Variants in ELMO1 observed in about 807,000 individuals in gnomAD.
The protein encoded by ELMO1 is engulfment and cell motility protein 1.
A neutral mutation model predicts 98.9 loss-of-function variants in ELMO1; 26 were observed. The ratio of observed to expected loss-of-function variants is 0.26; its 90% CI spans 0.19 to 0.36. The LOEUF (loss-of-function observed/expected upper bound fraction) is 0.36, where lower values mean the gene tolerates loss of function less well. Among genes scored for constraint, ELMO1 ranks in the 10% least tolerant of loss-of-function variants. The probability of loss-of-function intolerance (pLI) is 1.00; values close to 1 mark genes in which losing one functional copy is unlikely to be tolerated. For synonymous variants in ELMO1, 346 were observed against 346.0 expected (o/e 1.00, Z 0.00); for missense variants, 627 against 935.2 (o/e 0.67, Z 4.30).
At chr7:37,343,754 C>T (rs547659873) in intron 1 of ELMO1, among the ~76,000 whole-genome samples, 2 of 152,048 alleles carry the variant, frequency 1.3e-5, no homozygotes, top group Admixed American at 6.6e-5. Flanking sequence ...CGATTACAGG[C>T]GTGAGCCACC....
intron 4 of ELMO1, among the ~76,000 whole-genome samples, chr7:37,279,605 C>T (rs1254638644): frequency 2.6e-5 from 4 of 152,144 alleles, no homozygotes; most frequent in Non-Finnish European, 5.9e-5. Context: ...GAGAAGTTTC[C>T]GACCTTACCT....
chr7:37,431,947 T>A (rs1804949856), intron 1 of ELMO1, among the ~76,000 whole-genome samples: 1 of 152,222 alleles, frequency 6.6e-6, no homozygotes, highest in African/African-American at 2.4e-5. Context: ...AATGGTGCGA[T>A]CTCAGCTCAC....
At chr7:36,964,488 C>T (rs144266310) in intron 16 of ELMO1, among the ~76,000 whole-genome samples, 4 of 152,166 alleles carry the variant, frequency 2.6e-5, no homozygotes, top group Admixed American at 6.5e-5. Context: ...GTGTGTCGCT[C>T]TCACATCATC....
At chr7:37,250,503 C>T (rs1795284481) in intron 6 of ELMO1, among the ~76,000 whole-genome samples, 1 of 152,084 alleles carries the variant, frequency 6.6e-6, no homozygotes, top group East Asian at 1.9e-4. Flanking sequence ...GATAATTTTT[C>T]ATAAGAAAAG....
At chr7:37,195,822 T>C (rs1032053242) in intron 13 of ELMO1, among the ~76,000 whole-genome samples, 1 of 152,108 alleles carries the variant, frequency 6.6e-6, no homozygotes, top group Non-Finnish European at 1.5e-5. Flanking sequence ...TGCTCATAAG[T>C]CACAGGGAAG....
intron 16 of ELMO1, among the ~76,000 whole-genome samples, chr7:36,923,425 G>A (rs1785297094): frequency 6.6e-6 from 1 of 152,160 alleles, no homozygotes; most frequent in Non-Finnish European, 1.5e-5. Flanking sequence ...TATGACCATT[G>A]AAAGCCTACA....
At chr7:37,323,420 C>T (rs1202045040) in intron 2 of ELMO1, among the ~76,000 whole-genome samples, 3 of 152,172 alleles carry the variant, frequency 2.0e-5, no homozygotes, top group African/African-American at 4.8e-5. Flanking sequence ...AGGATGGACG[C>T]GATGGCTCAT....
intron 2 of ELMO1, among the ~76,000 whole-genome samples, chr7:37,321,513 C>G (rs979880443): frequency 6.6e-6 from 1 of 151,660 alleles, no homozygotes; most frequent in Non-Finnish European, 1.5e-5. Flanking sequence ...GTCAGGAGAT[C>G]GAGAGCATCC....
At chr7:37,347,629 A>G (rs1801071046) in intron 1 of ELMO1, among the ~76,000 whole-genome samples, 1 of 152,172 alleles carries the variant, frequency 6.6e-6, no homozygotes, top group South Asian at 2.1e-4. Context: ...GCCGCCATGT[A>G]AGAGCCTTCT....
At chr7:37,350,317 A>G (rs960460410) in intron 1 of ELMO1, among the ~76,000 whole-genome samples, 5 of 152,224 alleles carry the variant, frequency 3.3e-5, no homozygotes, top group African/African-American at 1.2e-4. Flanking sequence ...AATTCAGCCC[A>G]TTTACTTGAC....
chr7:37,405,566 T>G (rs751368446), intron 1 of ELMO1, among the ~76,000 whole-genome samples: 1 of 152,216 alleles, frequency 6.6e-6, no homozygotes, highest in Non-Finnish European at 1.5e-5. Flanking sequence ...CATTTCACAT[T>G]TTAGGCAATC....
intron 15 of ELMO1, among the ~76,000 whole-genome samples, chr7:37,033,923 A>G (rs1562911349): frequency 1.3e-5 from 2 of 152,210 alleles, no homozygotes; most frequent in Non-Finnish European, 2.9e-5. Flanking sequence ...AACTCTCTCA[A>G]TTAGGTTTAA....
At chr7:37,318,970 T>G (rs1799346549) in intron 2 of ELMO1, among the ~76,000 whole-genome samples, 1 of 152,208 alleles carries the variant, frequency 6.6e-6, no homozygotes, top group Non-Finnish European at 1.5e-5. Context: ...TTCAATGAAG[T>G]CCAACAAATC....
intron 1 of ELMO1, among the ~76,000 whole-genome samples, chr7:37,396,756 C>A (rs1305338036): frequency 2.0e-5 from 3 of 152,218 alleles, no homozygotes; most frequent in Non-Finnish European, 4.4e-5. Flanking sequence ...ATTGAAGGGA[C>A]ATGCAGTTAT....
chr7:37,179,951 G>A (rs910107172), intron 13 of ELMO1, among the ~76,000 whole-genome samples: 1 of 152,146 alleles, frequency 6.6e-6, no homozygotes, highest in Admixed American at 6.5e-5. Flanking sequence ...ATAGAAGACT[G>A]ACTTAATTAT....
In ELMO1 at chr7:36,969,409, T is replaced by C. The variant is rs143002769; in HGVS notation, c.1437+43890A>G. Among the ~76,000 whole-genome samples, 386 of 152,354 alleles carry C rather than the reference T, an allele frequency of 2.5e-3. 1 individual carries two copies. The highest frequency in any genetic ancestry group is 3.3e-3 in the Non-Finnish European group (223 of 68,030). ...CTAGCTTTTTCTCATATTTGGGTGA[T>C]AATGATATGTGGTGAATTCAATATT... is the stretch of plus-strand genomic sequence containing the variant. On this transcript the variant is annotated intron_variant, in intron 16 of 21. Transcript: ENST00000310758.
intron 2 of ELMO1, among the ~76,000 whole-genome samples, chr7:37,332,403 T>C (rs1244129103): frequency 6.6e-6 from 1 of 152,248 alleles, no homozygotes; most frequent in Non-Finnish European, 1.5e-5. Flanking sequence ...GGGGACATAC[T>C]TGGCCCATGC....
At chr7:37,005,233 G>C (rs144778739) in intron 16 of ELMO1, among the ~76,000 whole-genome samples, 298 of 152,062 alleles carry the variant, frequency 2.0e-3, no homozygotes, top group African/African-American at 6.7e-3. Context: ...ATGCTGCCAG[G>C]GCTGTAAATT....
At chr7:36,907,816 C>CT (rs1784069684) in intron 16 of ELMO1, among the ~76,000 whole-genome samples, 2 of 152,230 alleles carry the variant, frequency 1.3e-5, no homozygotes. Flanking sequence ...CACGGCACTT[C>CT]TTTTTTCTGC....
Sources: gnomAD v4.1 joint callset for allele counts (sites outside exome capture counted in the v4.1 genomes callset) on GRCh38, gnomAD v4.1.1 for gene constraint, MANE v1.5 for transcripts, NCBI Gene and HGNC (gene_info 2026-07-23, HGNC 2026-07-21) for gene names.